STARD7: variants seen among roughly 807,000 people sequenced by gnomAD.
STARD7 encodes the protein stAR-related lipid transfer protein 7, mitochondrial.
A neutral mutation model predicts 45.3 loss-of-function variants in STARD7; 30 were observed. That is an observed-to-expected ratio of 0.66 (90% CI 0.50 to 0.90). The LOEUF (loss-of-function observed/expected upper bound fraction) is 0.90. STARD7 is among the 40% of genes least tolerant of loss of function. The pLI, the probability that STARD7 is intolerant of heterozygous loss-of-function variation, is 0.00. For synonymous variants in STARD7, 199 were observed against 183.0 expected (o/e 1.09, Z -0.70); for missense variants, 495 against 491.3 (o/e 1.01, Z -0.07).
At position 96,193,290 on chromosome 2, in the gene STARD7, C is replaced by T. The variant is rs774228708; in HGVS notation, c.612G>A (p.Arg204=). ...ALVIKLEVIE[R]DVVSGSEVLH... ...GAACCTCGGAACCACTAACCACATC[C>T]CTCTCAATCACCTCCAGCTTGATTA... The change falls in exon 4 of 8, where the codon AGG becomes AGA. Residue 204 remains arginine (R), a synonymous_variant. Coordinates refer to ENST00000337288, the MANE Select transcript of STARD7 (RefSeq NM_020151.4). The T allele has an allele frequency of 2.5e-6, 4 of 1,613,924 alleles. No individual in the cohort carries two copies. Among genetic ancestry groups the T allele is most frequent in the Non-Finnish European group, 3.4e-6 (4 of 1,179,840 alleles).
At chr2:96,195,045 C>T (rs779608844) in intron 2 of STARD7, 38 bp from the exon 3 acceptor site, 1 of 1,551,468 alleles carries the variant, frequency 6.4e-7, no homozygotes, top group Non-Finnish European at 8.8e-7. Flanking sequence ...GCTGGCCATA[C>T]TCCAGTCACT....
chr2:96,193,014 G>T, intron 5 of STARD7, 64 bp downstream of exon 5: 2 of 1,185,016 alleles, frequency 1.7e-6, no homozygotes, highest in South Asian at 1.3e-5. Context: ...TACAAACTCA[G>T]GTACGTAGGA....
At chr2:96,190,921 T>G (rs987359748) in intron 6 of STARD7, among the ~76,000 whole-genome samples, 4 of 152,138 alleles carry the variant, frequency 2.6e-5, no homozygotes, top group African/African-American at 9.7e-5. Context: ...CCCAGCATTT[T>G]GGGAGGCTGA....
intron 1 of STARD7, among the ~76,000 whole-genome samples, chr2:96,204,845 C>T (rs557938322): frequency 2.0e-4 from 30 of 151,710 alleles, no homozygotes; most frequent in Middle Eastern, 3.4e-3. Flanking sequence ...TCCCGAATGC[C>T]CTGAAAGACA....
Position 96,193,044 on chromosome 2 carries a change from G to A in STARD7, c.743+34C>T, listed in dbSNP as rs763777793. 1.8e-5 allele frequency: 28 copies of A among 1,526,868 alleles called. No homozygotes were observed. In the South Asian group the frequency reaches 2.8e-4, roughly 15 times the overall value. The allele number at this position is 1,526,868 out of a possible 1,614,324, so 94.6% of individuals were successfully genotyped here. A position where few individuals can be genotyped will look rare whatever the true frequency, so the allele number is the denominator to read the frequency against. ...GTAGGAATGAAGGCCACAGCTAAAG[G>A]AACTCGGCAACAGCCACAGGCAGCC... On this transcript the variant is annotated intron_variant, in intron 5 of 7. Coordinates refer to ENST00000337288, the MANE Select transcript of STARD7 (RefSeq NM_020151.4).
chr2:96,194,895 CATGT>C, intron 3 of STARD7, 59 bp downstream of exon 3: 2 of 1,370,054 alleles, frequency 1.5e-6, no homozygotes, highest in Admixed American at 3.9e-5. Flanking sequence ...ATAAATGATT[CATGT>C]AGACAGTAGC....
chr2:96,208,029 T>C, intron 1 of STARD7, 116 bp downstream of exon 1: 2 of 933,690 alleles, frequency 2.1e-6, no homozygotes, highest in Non-Finnish European at 3.1e-6. Flanking sequence ...TTCAATCGAC[T>C]GTATTGCCAA....
intron 1 of STARD7, among the ~76,000 whole-genome samples, chr2:96,206,429 T>C (rs1333074541): frequency 6.6e-6 from 1 of 152,150 alleles, no homozygotes; most frequent in Non-Finnish European, 1.5e-5. Flanking sequence ...GAGATTTTCC[T>C]CTCAAACTTA....
intron 1 of STARD7, among the ~76,000 whole-genome samples, chr2:96,205,359 T>C (rs2104207906): frequency 6.6e-6 from 1 of 152,336 alleles, no homozygotes; most frequent in East Asian, 1.9e-4. Context: ...GGAAAACACA[T>C]GCCACTTTAA....
At chr2:96,196,685 T>C (rs1168675606) in intron 1 of STARD7, among the ~76,000 whole-genome samples, 1 of 151,998 alleles carries the variant, frequency 6.6e-6, no homozygotes, top group Non-Finnish European at 1.5e-5. Flanking sequence ...ACGGTCTCAA[T>C]CTCCTGACCT....
chr2:96,202,120 A>AT (rs1365373208), intron 1 of STARD7, among the ~76,000 whole-genome samples: 2 of 152,116 alleles, frequency 1.3e-5, no homozygotes, highest in African/African-American at 4.8e-5. Context: ...AAGAACCCAA[A>AT]TAGGTGAATG....
At chr2:96,191,716 T>C (rs1683128608) in intron 6 of STARD7, among the ~76,000 whole-genome samples, 1 of 151,990 alleles carries the variant, frequency 6.6e-6, no homozygotes, top group Non-Finnish European at 1.5e-5. Flanking sequence ...ATAAAACAAC[T>C]TGATGAGAAT....
At chr2:96,198,489 T>C (rs1683258131) in intron 1 of STARD7, among the ~76,000 whole-genome samples, 2 of 152,222 alleles carry the variant, frequency 1.3e-5, no homozygotes, top group African/African-American at 4.8e-5. Context: ...TACACTATTT[T>C]ATATTCACAT....
chr2:96,195,357 G>A lies in STARD7; in HGVS notation c.483C>T (p.His161=), dbSNP rs1448414694. ...KLWRRPITGT[H]LYQYRVFGTY... ...TGGGCTCACCTCGGTACTGGTAAAG[G>A]TGGGTGCCTGTAATTGGGCGCCGCC... The change falls in exon 2 of 8, where the codon CAC becomes CAT. Residue 161 remains histidine, a synonymous_variant. Transcript: ENST00000337288. 1.9e-6 allele frequency: 3 copies of A among 1,577,222 alleles called. No homozygotes were observed. Among genetic ancestry groups the A allele is most frequent in the Non-Finnish European group, 1.7e-6 (2 of 1,161,280 alleles).
At chr2:96,187,852 G>A (rs1459880973) in intron 6 of STARD7, 1 of 152,416 alleles carries the variant, frequency 6.6e-6, no homozygotes, top group Non-Finnish European at 1.5e-5. Context: ...CAGCTACTCG[G>A]GAGGCTGAGG....
chr2:96,199,635 T>G (rs1048042413), intron 1 of STARD7, among the ~76,000 whole-genome samples: 1 of 152,252 alleles, frequency 6.6e-6, no homozygotes, highest in Admixed American at 6.5e-5. Flanking sequence ...CTTTCCAATC[T>G]AAATGACTTT....
chr2:96,196,730 G>A (rs1254576178), intron 1 of STARD7, among the ~76,000 whole-genome samples: 1 of 151,718 alleles, frequency 6.6e-6, no homozygotes, highest in East Asian at 2.0e-4. Flanking sequence ...CAAAGTTCTG[G>A]GATTACAGGC....
intron 1 of STARD7, among the ~76,000 whole-genome samples, chr2:96,195,970 G>C (rs533178151): frequency 1.3e-5 from 2 of 151,676 alleles, no homozygotes; most frequent in Non-Finnish European, 2.9e-5. Context: ...AAAATTAACC[G>C]GGCATGGTGG....
chr2:96,202,718 C>G (rs1683325910), intron 1 of STARD7, among the ~76,000 whole-genome samples: 1 of 152,196 alleles, frequency 6.6e-6, no homozygotes, highest in African/African-American at 2.4e-5. Flanking sequence ...TCCAGCCTCC[C>G]AAGTACAGGC....
Sources: allele counts gnomAD v4.1 joint callset (sites outside exome capture counted in the v4.1 genomes callset), GRCh38; gene constraint gnomAD v4.1.1; transcripts MANE v1.5; gene names NCBI Gene and HGNC (gene_info 2026-07-23, HGNC 2026-07-21).